The following EYS variants were observed in gnomAD, a reference collection of about 807,000 sequenced individuals.
The protein encoded by EYS is protein eyes shut homolog.
Under a neutral mutation model 282.1 loss-of-function variants are expected in EYS, and 250 were observed. That is an observed-to-expected ratio of 0.89 (90% CI 0.80 to 0.98). The LOEUF (loss-of-function observed/expected upper bound fraction) is 0.98, where lower values mean the gene tolerates loss of function less well. Ranked by LOEUF, EYS falls within the 50% of genes least tolerant of loss-of-function variation. EYS has a pLI of 0.00. For missense variants in EYS, 4,016 were observed against 3,709.0 expected, an observed-to-expected ratio of 1.08 and a Z score of -2.15; for synonymous variants, 1,355 against 1,282.9, an observed-to-expected ratio of 1.06 and a Z score of -1.20.
intron 12 of EYS, among the ~76,000 whole-genome samples, chr6:65,249,525 CACAA>C (rs772883958): frequency 1.3e-5 from 2 of 151,218 alleles, no homozygotes; most frequent in Non-Finnish European, 2.9e-5. Flanking sequence ...GGCCTAAATC[CACAA>C]ACAATTACAT....
chr6:65,624,931 C>T (rs1766644212), intron 2 of EYS, among the ~76,000 whole-genome samples: 1 of 152,108 alleles, frequency 6.6e-6, no homozygotes, highest in South Asian at 2.1e-4. Context: ...ACCTTGTGAT[C>T]GTGTGAGTCA....
chr6:64,043,396 G>A (rs1770477992), intron 33 of EYS, among the ~76,000 whole-genome samples: 1 of 152,318 alleles, frequency 6.6e-6, no homozygotes, highest in East Asian at 1.9e-4. Flanking sequence ...AGAGCATGGG[G>A]ACATCTAGAT....
chr6:64,228,185 A>G (rs1355159769), intron 31 of EYS, among the ~76,000 whole-genome samples: 4 of 152,124 alleles, frequency 2.6e-5, no homozygotes, highest in Non-Finnish European at 4.4e-5. Context: ...TGAAAACACA[A>G]TCCTGCCCTT....
intron 12 of EYS, among the ~76,000 whole-genome samples, chr6:65,100,673 A>G (rs1428604387): frequency 6.6e-6 from 1 of 150,800 alleles, no homozygotes; most frequent in Non-Finnish European, 1.5e-5. Context: ...TTGTCAAATG[A>G]CTTGCCCAAG....
chr6:64,540,171 T>C lies in EYS; in HGVS notation c.5644+50052A>G, dbSNP rs547511686. 1.4e-4 allele frequency among the ~76,000 whole-genome samples: 21 copies of C among 152,336 alleles called. 1 individual carries two copies. In the South Asian group the frequency reaches 3.9e-3, roughly 29 times the overall value. ...CTGCCTGCAGCTGAGGAAGCAACTT[T>C]AAATCCTGTGGGGAGAATTTCTATT... On this transcript the variant is annotated intron_variant, in intron 26 of 42. Transcript: ENST00000503581.
At chr6:65,040,489 C>G (rs9360116) in intron 13 of EYS, among the ~76,000 whole-genome samples, 61,213 of 151,516 alleles carry the variant, frequency 0.4, 14,790 homozygotes, top group East Asian at 0.62. Flanking sequence ...AGTATGACTT[C>G]TCCTTAACTA....
intron 41 of EYS, among the ~76,000 whole-genome samples, chr6:63,729,999 A>T (rs965057026): frequency 6.6e-6 from 1 of 152,154 alleles, no homozygotes; most frequent in Non-Finnish European, 1.5e-5. Context: ...AGTTATATCG[A>T]ACTTAACATG....
At chr6:63,967,108 C>T (rs1766345625) in intron 35 of EYS, among the ~76,000 whole-genome samples, 1 of 152,088 alleles carries the variant, frequency 6.6e-6, no homozygotes, top group South Asian at 2.1e-4. Flanking sequence ...CACTTGAACA[C>T]GAGTTCTTTG....
intron 42 of EYS, among the ~76,000 whole-genome samples, chr6:63,723,925 AG>A (rs1219888783): frequency 6.6e-6 from 1 of 151,682 alleles, no homozygotes; most frequent in East Asian, 1.9e-4. Context: ...GGGCTGCCTC[AG>A]TTTCCCGAGT....
At chr6:63,775,604 C>T (rs562316549) in intron 40 of EYS, among the ~76,000 whole-genome samples, 11 of 151,938 alleles carry the variant, frequency 7.2e-5, no homozygotes, top group Non-Finnish European at 1.5e-4. Flanking sequence ...AAGTTTAGAG[C>T]CATATAAAAT....
At chr6:65,277,130 T>G (rs182170756) in intron 12 of EYS, among the ~76,000 whole-genome samples, 1 of 152,188 alleles carries the variant, frequency 6.6e-6, no homozygotes, top group African/African-American at 2.4e-5. Context: ...ATGGGATTGG[T>G]GCCCTTACAA....
intron 30 of EYS, among the ~76,000 whole-genome samples, chr6:64,239,821 C>G (rs903886560): frequency 1.3e-5 from 2 of 151,906 alleles, no homozygotes; most frequent in African/African-American, 4.8e-5. Context: ...AGTCATGAAG[C>G]CTTTGCCCAT....
At chr6:64,847,962 T>G (rs368426883) in intron 19 of EYS, among the ~76,000 whole-genome samples, 3 of 152,202 alleles carry the variant, frequency 2.0e-5, no homozygotes, top group South Asian at 4.1e-4. Context: ...GTATTTTCCT[T>G]TGAATCTGAA....
chr6:65,379,782 T>C (rs890430293), intron 8 of EYS, among the ~76,000 whole-genome samples: 32 of 151,656 alleles, frequency 2.1e-4, no homozygotes, highest in African/African-American at 7.5e-4. Context: ...CAGGATACAA[T>C]ATCAATGTGC....
chr6:64,066,579 G>C, intron 32 of EYS, 88 bp from the exon 33 acceptor site: 1 of 935,870 alleles, frequency 1.1e-6, no homozygotes, highest in Non-Finnish European at 1.6e-6. Flanking sequence ...TGCCATCAAA[G>C]ACTAATGATT....
intron 35 of EYS, among the ~76,000 whole-genome samples, chr6:63,891,654 A>T (rs182283506): frequency 9.5e-4 from 145 of 152,344 alleles, no homozygotes; most frequent in African/African-American, 3.2e-3. Flanking sequence ...AGCTGGTAGC[A>T]TTCCCTTTGA....
At chr6:64,520,947 C>A (rs1213012501) in intron 26 of EYS, among the ~76,000 whole-genome samples, 1 of 151,678 alleles carries the variant, frequency 6.6e-6, no homozygotes, top group Non-Finnish European at 1.5e-5. Flanking sequence ...ATTAACTTAG[C>A]CAAGTTATTT....
intron 40 of EYS, among the ~76,000 whole-genome samples, chr6:63,767,213 TA>T (rs965275054): frequency 6.6e-6 from 1 of 151,866 alleles, no homozygotes; most frequent in Non-Finnish European, 1.5e-5. Context: ...TTCAACACAG[TA>T]ATGGAAGTGC....
chr6:65,147,824 A>G (rs1764515258), intron 12 of EYS, among the ~76,000 whole-genome samples: 1 of 152,076 alleles, frequency 6.6e-6, no homozygotes, highest in Non-Finnish European at 1.5e-5. Flanking sequence ...TGCCTCAGGA[A>G]TCTTACAAGC....
Sources: allele counts gnomAD v4.1 joint callset (sites outside exome capture counted in the v4.1 genomes callset), GRCh38; gene constraint gnomAD v4.1.1; transcripts MANE v1.5; gene names NCBI Gene and HGNC (gene_info 2026-07-23, HGNC 2026-07-21).